REXO1: variants seen among roughly 807,000 people sequenced by gnomAD.
REXO1 encodes the protein RNA exonuclease 1 homolog.
A neutral mutation model predicts 102.6 loss-of-function variants in REXO1; 42 were observed. The ratio of observed to expected loss-of-function variants is 0.41; its 90% CI spans 0.32 to 0.53. REXO1 has a LOEUF of 0.53. REXO1 is among the 20% of genes least tolerant of loss of function. The pLI is 0.27. For synonymous variants in REXO1, 908 were observed against 779.1 expected, an observed-to-expected ratio of 1.17 and a Z score of -2.76; for missense variants, 1,819 against 1,732.5, an observed-to-expected ratio of 1.05 and a Z score of -0.89.
In REXO1 at chr19:1,826,409, G is replaced by A. The variant is rs1266347733; in HGVS notation, c.1912-466C>T. 1.3e-5 allele frequency among the ~76,000 whole-genome samples: 2 copies of A among 151,418 alleles called. No individual in the cohort carries two copies. Among genetic ancestry groups the A allele is most frequent in the African/African-American group, 2.4e-5 (1 of 41,150 alleles). On this transcript the variant is annotated intron_variant, in intron 2 of 15. Coordinates refer to ENST00000170168, the MANE Select transcript of REXO1 (RefSeq NM_020695.4). This position sits in a 1 kb window ranked among gnomAD's most constrained non-coding sequence, Gnocchi z 4.3. Reference sequence around the variant, plus strand: ...AGGGAGGAGGGAGGGGAGGAGAAAGGAGCCGGAGGGGATGAGGAGGAGGCA... The same window carrying A: ...AGGGAGGAGGGAGGGGAGGAGAAAGAAGCCGGAGGGGATGAGGAGGAGGCA...
chr19:1,825,388 T>G (rs533330105), intron 3 of REXO1, among the ~76,000 whole-genome samples: 43 of 145,980 alleles, frequency 2.9e-4, no homozygotes, highest in African/African-American at 1.0e-3. Flanking sequence ...ACGCCTGTAA[T>G]CCCAACGCTG....
intron 12 of REXO1, 104 bp from the exon 13 acceptor site, chr19:1,816,917 G>T: frequency 1.1e-6 from 1 of 882,264 alleles, no homozygotes; most frequent in South Asian, 1.5e-5. Context: ...CAGAGGCAGT[G>T]ACCAGAGACT....
At chr19:1,816,625 G>A in intron 13 of REXO1, 56 bp from the exon 14 acceptor site, 1 of 1,593,030 alleles carries the variant, frequency 6.3e-7, no homozygotes, top group Non-Finnish European at 8.6e-7. Flanking sequence ...CTGGCTGGTG[G>A]GGCGGGGGAG....
At chr19:1,818,445 A>G in intron 10 of REXO1, 37 bp downstream of exon 10, 1 of 1,502,498 alleles carries the variant, frequency 6.7e-7, no homozygotes, top group African/African-American at 1.4e-5. Flanking sequence ...TCCGGGGGCC[A>G]TGGGTGGGAA....
intron 1 of REXO1, among the ~76,000 whole-genome samples, chr19:1,834,673 C>T (rs530537833): frequency 6.6e-6 from 1 of 152,306 alleles, no homozygotes; most frequent in East Asian, 1.9e-4. Context: ...TCGCCTCGGC[C>T]TCCCAAAGCA....
chr19:1,817,386 G>T, intron 11 of REXO1, 57 bp from the exon 12 acceptor site: 2 of 1,595,700 alleles, frequency 1.3e-6, no homozygotes. Flanking sequence ...GGCGGGGGTG[G>T]CAGCAGCAGC....
chr19:1,820,183 G>T lies in REXO1; in HGVS notation c.2526+81C>A, dbSNP rs537736083. 7.1e-6 allele frequency: 11 copies of T among 1,560,188 alleles called. No individual in the cohort carries two copies. The East Asian group carries it at 2.3e-4, about 32-fold the overall frequency. On this transcript the variant is annotated intron_variant, in intron 6 of 15. Coordinates refer to ENST00000170168, the MANE Select transcript of REXO1 (RefSeq NM_020695.4). ...GCAGCTCCGGGTCACAGCTGCGGCT[G>T]AGAGGCCGGGGGATGTCTGGGGACC...
Position 1,815,787 on chromosome 19 carries a change from C to T in REXO1, c.*279G>A, listed in dbSNP as rs1446283460. The T allele has an allele frequency of 7.6e-6, 11 of 1,446,710 alleles. No individual in the cohort carries two copies. The East Asian group carries it at 2.1e-4, about 27-fold the overall frequency. 89.6% of individuals were successfully genotyped at this position (1,446,710 alleles called of 1,614,324 possible). ...CAGGAGGGGCAGGAGGGGCTGCGGG[C>T]CGGGTGGGGGCGGGCTCTGTCCTGG... On this transcript the variant is annotated 3_prime_UTR_variant, in exon 16 of 16. Transcript: ENST00000170168. This position sits in a 1 kb window ranked among gnomAD's most constrained non-coding sequence, Gnocchi z 4.0.
At position 1,847,832 on chromosome 19, in the gene REXO1, G is replaced by A. The variant is rs551042782; in HGVS notation, c.157+370C>T. ...AAGCACATGGGGTCCGGGAAGCGGC[G>A]GGCGCCAATCAGGGGCAGGAGGAGT... is the stretch of plus-strand genomic sequence containing the variant. On this transcript the variant is annotated intron_variant, in intron 1 of 15. Coordinates refer to ENST00000170168, the MANE Select transcript of REXO1 (RefSeq NM_020695.4). Among the ~76,000 whole-genome samples the A allele has an allele frequency of 5.3e-5, 8 of 152,350 alleles. No homozygotes were observed. The South Asian group carries it at 1.7e-3, about 32-fold the overall frequency.
intron 1 of REXO1, among the ~76,000 whole-genome samples, chr19:1,837,713 C>T (rs548367891): frequency 3.2e-4 from 49 of 152,322 alleles, no homozygotes; most frequent in African/African-American, 1.1e-3. Flanking sequence ...CCCAGGGCTG[C>T]GATCCGAGCC....
Position 1,815,571 on chromosome 19 carries a change from G to C in REXO1, c.*495C>G. 2.5e-5 allele frequency: 17 copies of C among 674,286 alleles called. No individual in the cohort carries two copies. The highest frequency in any genetic ancestry group is 2.9e-5 in the Non-Finnish European group (14 of 489,838). 41.8% of individuals were successfully genotyped at this position (674,286 alleles called of 1,614,324 possible). A position where few individuals can be genotyped will look rare whatever the true frequency, so the allele number is the denominator to read the frequency against. The stretch of plus-strand genomic sequence containing the variant: ...GGGTCTGTCCCACCCCCACCCCGCA[G>C]GAGGGAAGGCAGCAGGCCCGCTCTT... On this transcript the variant is annotated 3_prime_UTR_variant, in exon 16 of 16. Coordinates refer to ENST00000170168, the MANE Select transcript of REXO1 (RefSeq NM_020695.4). This position sits in a 1 kb window ranked among gnomAD's most constrained non-coding sequence, Gnocchi z 4.0.
Position 1,828,388 on chromosome 19 carries a change from G to A in REXO1, c.401C>T (p.Ala134Val). The A allele has an allele frequency of 6.2e-7, 1 of 1,608,128 alleles. No homozygotes were observed. The highest frequency in any genetic ancestry group is 1.1e-5 in the South Asian group (1 of 90,706). ...CTCGTCCGGGCCCACAGTGGGGCTG[G>A]CGTTGGGGCCGCGGGGCGCCAGGGC... is the stretch of plus-strand genomic sequence containing the variant. ...APALAPRGPN[A>V]SPTVGPDEDA... Residue 134 changes from alanine (A) to valine (V), a missense_variant, in exon 2 of 16, where the codon GCC (alanine) becomes GTC (valine). Coordinates refer to ENST00000170168, the MANE Select transcript of REXO1 (RefSeq NM_020695.4).
intron 1 of REXO1, 44 bp downstream of exon 1, chr19:1,848,158 G>T: frequency 9.7e-7 from 1 of 1,029,014 alleles, no homozygotes. Flanking sequence ...TCCAGACCCG[G>T]GCAGGGGAGC....
At position 1,816,155 on chromosome 19, in the gene REXO1, C is replaced by A; in HGVS notation, c.3578-1G>T. 1 of 1,552,416 alleles carries A rather than the reference C, an allele frequency of 6.4e-7. No homozygotes were observed. Among genetic ancestry groups the A allele is most frequent in the South Asian group, 1.2e-5 (1 of 84,330 alleles). ...TCCTCGCTGGAGCTGTGCCCATCCA[C>A]TGCGGGGCAGATGCGGTGAGCACCC... On this transcript the variant is annotated splice_acceptor_variant, in intron 15 of 15. Coordinates refer to ENST00000170168, the MANE Select transcript of REXO1 (RefSeq NM_020695.4). LOFTEE classifies it high-confidence loss of function.
intron 10 of REXO1, 89 bp from the exon 11 acceptor site, chr19:1,817,869 A>C (rs566596852): frequency 9.6e-7 from 1 of 1,043,138 alleles, no homozygotes; most frequent in African/African-American, 1.6e-5. Context: ...ACCGAGCCCT[A>C]CTAGGGAGTG....
intron 1 of REXO1, among the ~76,000 whole-genome samples, chr19:1,847,830 G>C (rs2145350172): frequency 6.6e-6 from 1 of 152,366 alleles, no homozygotes; most frequent in South Asian, 2.1e-4. Flanking sequence ...CCGGGAAGCG[G>C]CGGGCGCCAA....
intron 1 of REXO1, among the ~76,000 whole-genome samples, chr19:1,843,289 A>G (rs1419898059): frequency 6.7e-6 from 1 of 148,840 alleles, no homozygotes; most frequent in Non-Finnish European, 1.5e-5. Flanking sequence ...CCCAGGGCCC[A>G]GAGCCACAGC....
chr19:1,827,548 T>A lies in REXO1; in HGVS notation c.1241A>T (p.Asp414Val). ...RGRPVEKPRA[D>V]KKGPQASSPR... ...GCTGCTGGCCTGCGGGCCCTTCTTG[T>A]CCGCACGGGGCTTCTCCACAGGCCG... The change falls in exon 2 of 16, where the codon GAC (aspartate) becomes GTC (valine). Residue 414 changes from aspartate (D) to valine (V), a missense_variant. By Grantham distance (152) the Asp-to-Val change is radical. Transcript: ENST00000170168. 6.3e-7 allele frequency: 1 copy of A among 1,591,532 alleles called. No homozygotes were observed. The highest frequency in any genetic ancestry group is 8.5e-7 in the Non-Finnish European group (1 of 1,175,646).
Position 1,817,247 on chromosome 19 carries a change from G to A in REXO1, c.3173C>T (p.Pro1058Leu), listed in dbSNP as rs1368664871. 3.7e-6 allele frequency: 6 copies of A among 1,613,074 alleles called. No individual in the cohort carries two copies. The highest frequency in any genetic ancestry group is 5.1e-6 in the Non-Finnish European group (6 of 1,179,996). ...FEKELSGDTHPGIYALDCEMS... is the reference protein window; with the variant it reads ...FEKELSGDTHLGIYALDCEMS... Reference sequence around the variant, plus strand: ...CTCGCAGTCCAGGGCGTAGATCCCCGGGTGGGTGTCTCCTGAGAGCTCTTT... The same window carrying A: ...CTCGCAGTCCAGGGCGTAGATCCCCAGGTGGGTGTCTCCTGAGAGCTCTTT... The change falls in exon 12 of 16, where the codon CCG (proline) becomes CTG (leucine). Residue 1058 changes from proline (P) to leucine (L), a missense_variant. By Grantham distance (98) the Pro-to-Leu change is moderately conservative (BLOSUM62 -3). Coordinates refer to ENST00000170168, the MANE Select transcript of REXO1 (RefSeq NM_020695.4).
Sources: gnomAD v4.1 joint callset for allele counts (sites outside exome capture counted in the v4.1 genomes callset) on GRCh38, gnomAD v4.1.1 for gene constraint, Gnocchi (gnomAD v3.1) non-coding constraint, MANE v1.5 for transcripts, NCBI Gene and HGNC (gene_info 2026-07-23, HGNC 2026-07-21) for gene names.